The following TDRD5 variants were observed in gnomAD, a reference collection of about 807,000 sequenced individuals.
TDRD5 encodes tudor domain-containing protein 5.
Under a neutral mutation model 120.6 loss-of-function variants are expected in TDRD5, and 41 were observed. The observed-to-expected ratio is 0.34, with a 90% CI of 0.26 to 0.44. The LOEUF (loss-of-function observed/expected upper bound fraction) is 0.44. Among genes scored for constraint, TDRD5 ranks in the 20% least tolerant of loss-of-function variants. The pLI is 1.00. For synonymous variants in TDRD5, 430 were observed against 433.7 expected, an observed-to-expected ratio of 0.99 and a Z score of 0.11; for missense variants, 1,006 against 1,221.2, an observed-to-expected ratio of 0.82 and a Z score of 2.63.
chr1:179,623,643 T>C, intron 6 of TDRD5, among the ~76,000 whole-genome samples: 1 of 144,046 alleles, frequency 6.9e-6, no homozygotes, highest in Non-Finnish European at 1.5e-5. Flanking sequence ...TTTTTTTTTT[T>C]TTTTCCTTTT....
At chr1:179,684,800 G>A (rs1398322447) in intron 17 of TDRD5, among the ~76,000 whole-genome samples, 1 of 152,204 alleles carries the variant, frequency 6.6e-6, no homozygotes, top group African/African-American at 2.4e-5. Context: ...GACGGCCAGT[G>A]ATGCTGAACA....
At chr1:179,669,036 G>T (rs900542550) in intron 16 of TDRD5, among the ~76,000 whole-genome samples, 158 bp from the exon 17 acceptor site, 1 of 151,972 alleles carries the variant, frequency 6.6e-6, no homozygotes, top group Non-Finnish European at 1.5e-5. Flanking sequence ...GAGCCACCGC[G>T]CCCGGCTGAG....
Position 179,672,238 on chromosome 1 carries a change from A to G in TDRD5, c.2860+2834A>G, listed in dbSNP as rs747914312. 6.6e-5 allele frequency among the ~76,000 whole-genome samples: 10 copies of G among 152,294 alleles called. 1 individual carries two copies. Among genetic ancestry groups the G allele is most frequent in the Admixed American group, 2.0e-4 (3 of 15,302 alleles). On this transcript the variant is annotated intron_variant, in intron 17 of 17. Transcript: ENST00000444136. The stretch of plus-strand genomic sequence containing the variant: ...TAGTTTATATTCTTACCAATAGCAT[A>G]AAAGCATTCCCTTTCCACCGCATGC...
At position 179,593,544 on chromosome 1, in the gene TDRD5, A is replaced by C. The variant is rs780969112; in HGVS notation, c.317A>C (p.Lys106Thr). 1.2e-6 allele frequency: 2 copies of C among 1,614,232 alleles called. No individual in the cohort carries two copies. Among genetic ancestry groups the C allele is most frequent in the Admixed American group, 3.3e-5 (2 of 60,030 alleles). ...SSHKLRNSMH[K>T]GRPSIYSGPR... ...CATAAGCTTCGAAACTCAATGCATA[A>C]GGGAAGACCTAGTATTTATTCTGGA... The change falls in exon 3 of 18, where the codon AAG becomes ACG. Residue 106 changes from lysine to threonine, a missense_variant. Physicochemically the swap from Lys to Thr is moderately conservative, Grantham distance 78. Coordinates refer to ENST00000444136, the MANE Select transcript of TDRD5 (RefSeq NM_001199085.3).
At chr1:179,637,413 G>T (rs1276159136) in intron 9 of TDRD5, among the ~76,000 whole-genome samples, 1 of 152,116 alleles carries the variant, frequency 6.6e-6, no homozygotes, top group African/African-American at 2.4e-5. Context: ...AAAAATTAAA[G>T]TACTTGGAGC....
chr1:179,675,797 G>GA (rs1431848154), intron 17 of TDRD5, among the ~76,000 whole-genome samples: 1 of 152,132 alleles, frequency 6.6e-6, no homozygotes, highest in Non-Finnish European at 1.5e-5. Flanking sequence ...TGGTCTAAGA[G>GA]AATGTTCCAT....
chr1:179,635,540 A>T, intron 8 of TDRD5, 127 bp from the exon 9 acceptor site: 2 of 917,662 alleles, frequency 2.2e-6, no homozygotes, highest in South Asian at 3.6e-5. Context: ...AGAGTTCAAG[A>T]ATCTGTATTT....
chr1:179,651,124 G>A (rs1291910196), intron 12 of TDRD5, 57 bp downstream of exon 12: 4 of 1,539,610 alleles, frequency 2.6e-6, no homozygotes, highest in African/African-American at 1.4e-5. Context: ...CCACGTCAAG[G>A]TATAAGATAA....
At chr1:179,671,523 ACTT>A (rs776510827) in intron 17 of TDRD5, among the ~76,000 whole-genome samples, 2 of 152,190 alleles carry the variant, frequency 1.3e-5, no homozygotes, top group East Asian at 1.9e-4. Context: ...GTTATACTGT[ACTT>A]CTTATGTATA....
chr1:179,662,252 A>G lies in TDRD5; in HGVS notation c.2471A>G (p.Asn824Ser), dbSNP rs1242263881. ...TTTACTGCAAGCCTTGGTGGAAAGA[A>G]TCAGTATTCATCATGTAAAGAAATG... ...HLFTASLGGK[N>S]QYSSCKEMPQ... Residue 824 changes from asparagine to serine, a missense_variant, in exon 15 of 18, where the codon AAT becomes AGT. Physicochemically the swap from Asn to Ser is conservative, Grantham distance 46. This residue lies in a region of TDRD5 where 403 missense variants were observed against 448.1 expected (regional missense o/e 0.90). Transcript: ENST00000444136. 1.2e-6 allele frequency: 2 copies of G among 1,605,794 alleles called. No individual in the cohort carries two copies. The highest frequency in any genetic ancestry group is 2.2e-5 in the South Asian group (2 of 89,538).
Position 179,654,211 on chromosome 1 carries a change from A to T in TDRD5, c.2171A>T (p.Asn724Ile). 6.5e-7 allele frequency: 1 copy of T among 1,533,618 alleles called. No homozygotes were observed. Among genetic ancestry groups the T allele is most frequent in the Non-Finnish European group, 8.8e-7 (1 of 1,139,486 alleles). The stretch of plus-strand genomic sequence containing the variant: ...TTTCATATCTACTAGCAAGATATTA[A>T]TGATGAAAAGTCTTTAAGTCATCTT... Reference protein sequence around the residue: ...ESELRILQDINDEKSLSHLKS... With the variant: ...ESELRILQDIIDEKSLSHLKS... Residue 724 changes from asparagine (N) to isoleucine (I), a missense_variant, in exon 14 of 18, where the codon AAT (asparagine) becomes ATT (isoleucine). By Grantham distance (149) the Asn-to-Ile change is moderately radical (BLOSUM62 -3). Around this residue, in one of 3 missense-constraint regions of TDRD5, gnomAD observed 403 missense variants for 448.1 expected, o/e 0.90. Coordinates refer to ENST00000444136, the MANE Select transcript of TDRD5 (RefSeq NM_001199085.3).
chr1:179,605,882 C>G (rs1306114418), intron 4 of TDRD5, among the ~76,000 whole-genome samples: 1 of 152,084 alleles, frequency 6.6e-6, no homozygotes, highest in Non-Finnish European at 1.5e-5. Flanking sequence ...TTGCTTGTTT[C>G]CTCATAAAGT....
chr1:179,674,560 G>T (rs1359437854), intron 17 of TDRD5, among the ~76,000 whole-genome samples: 2 of 152,156 alleles, frequency 1.3e-5, no homozygotes, highest in Non-Finnish European at 2.9e-5. Flanking sequence ...TGGCTTCACA[G>T]AATGATTTAG....
At chr1:179,592,403 T>C in intron 1 of TDRD5, 199 bp from the exon 2 acceptor site, 1 of 535,376 alleles carries the variant, frequency 1.9e-6, no homozygotes, top group South Asian at 2.1e-5. Context: ...TTGACACCTG[T>C]AGCTTAATCA....
chr1:179,592,948 G>T, intron 2 of TDRD5, 101 bp downstream of exon 2: 1 of 1,233,198 alleles, frequency 8.1e-7, no homozygotes, highest in African/African-American at 1.5e-5. Context: ...CCCAGCCAGT[G>T]GATTTTAATT....
At chr1:179,627,387 T>C (rs1188281061) in intron 6 of TDRD5, among the ~76,000 whole-genome samples, 1 of 152,186 alleles carries the variant, frequency 6.6e-6, no homozygotes, top group Non-Finnish European at 1.5e-5. Context: ...CAATGTACTC[T>C]GCTAATGTAG....
At position 179,640,066 on chromosome 1, in the gene TDRD5, A is replaced by G; in HGVS notation, c.1733+15A>G. The G allele has an allele frequency of 6.2e-7, 1 of 1,611,898 alleles. No homozygotes were observed. On this transcript the variant is annotated intron_variant, in intron 10 of 17. Coordinates refer to ENST00000444136, the MANE Select transcript of TDRD5 (RefSeq NM_001199085.3). ...AGGTTCCTCAAGTGAGTTGAATTGAATTAGAACAATGGATGAATTAAATTT... is the reference window on the plus strand; with the variant it reads ...AGGTTCCTCAAGTGAGTTGAATTGAGTTAGAACAATGGATGAATTAAATTT...
In TDRD5 at chr1:179,621,029, T is replaced by G. The variant is rs776260413; in HGVS notation, c.916-6T>G. 1.9e-6 allele frequency: 3 copies of G among 1,596,104 alleles called. No homozygotes were observed. In the South Asian group the frequency reaches 3.4e-5, roughly 18 times the overall value. On this transcript the variant is annotated splice_polypyrimidine_tract_variant and splice_region_variant and intron_variant, in intron 5 of 17. Coordinates refer to ENST00000444136, the MANE Select transcript of TDRD5 (RefSeq NM_001199085.3). ...TCTATATTGTATTTCACTTTCTATT[T>G]GTTAGGTTGTATCTAAGTTCCCAGA...
At chr1:179,664,904 T>C (rs965866638) in intron 16 of TDRD5, among the ~76,000 whole-genome samples, 1 of 152,164 alleles carries the variant, frequency 6.6e-6, no homozygotes, top group Non-Finnish European at 1.5e-5. Context: ...CAACATTTTA[T>C]GTACCCCCCA....
Sources: gnomAD v4.1 joint callset for allele counts (sites outside exome capture counted in the v4.1 genomes callset) on GRCh38, gnomAD v4.1.1 for gene constraint, gnomAD v4.1.1 regional missense constraint, MANE v1.5 for transcripts, NCBI Gene and HGNC (gene_info 2026-07-23, HGNC 2026-07-21) for gene names.